CEBPZ: variants seen among roughly 807,000 people sequenced by gnomAD.
CEBPZ encodes CCAAT enhancer binding protein zeta, also known as CCAAT/enhancer-binding protein zeta.
In CEBPZ, 78 loss-of-function variants were observed where a neutral mutation model predicts 104.5. The ratio of observed to expected loss-of-function variants is 0.75; its 90% CI spans 0.62 to 0.90. The LOEUF is 0.90. Among genes scored for constraint, CEBPZ ranks in the 40% least tolerant of loss-of-function variants. CEBPZ has a pLI of 0.00. For synonymous variants in CEBPZ, 470 were observed against 427.0 expected (o/e 1.10, Z -1.24); for missense variants, 1,439 against 1,233.5 (o/e 1.17, Z -2.50).
At position 37,231,489 on chromosome 2, in the gene CEBPZ, C is replaced by T. The variant is rs1558482397; in HGVS notation, c.79G>A (p.Glu27Lys). 1 of 1,614,252 alleles carries T rather than the reference C, an allele frequency of 6.2e-7. No individual in the cohort carries two copies. The highest frequency in any genetic ancestry group is 8.5e-7 in the Non-Finnish European group (1 of 1,180,048). ...RPEEAVEDPD[E>K]EDEDNTSEAE... ...TCACTAGTATTATCCTCATCCTCCT[C>T]GTCCGGATCTTCTACTGCCTCCTCG... is the stretch of plus-strand genomic sequence containing the variant. Residue 27 changes from glutamate to lysine, a missense_variant, in exon 1 of 16, where the codon GAG becomes AAG. Glu to Lys is a moderately conservative substitution (Grantham distance 56, BLOSUM62 1). Transcript: ENST00000234170.
At position 37,229,103 on chromosome 2, in the gene CEBPZ, A is replaced by G. The variant is rs1207730705; in HGVS notation, c.157-67T>C. On this transcript the variant is annotated intron_variant, in intron 1 of 15. Coordinates refer to ENST00000234170, the MANE Select transcript of CEBPZ (RefSeq NM_005760.3). ...AAAATAAAACCATAAAATAATAGGAAACACAACATAATTTTAAAAATAATT... is the reference window on the plus strand; with the variant it reads ...AAAATAAAACCATAAAATAATAGGAGACACAACATAATTTTAAAAATAATT... 6.3e-6 allele frequency: 8 copies of G among 1,269,338 alleles called. No individual in the cohort carries two copies. The East Asian group carries it at 1.9e-4, about 31-fold the overall frequency. 78.6% of individuals were successfully genotyped at this position (1,269,338 alleles called of 1,614,324 possible).
At chr2:37,222,019 C>A (rs1572506252) in intron 4 of CEBPZ, among the ~76,000 whole-genome samples, 2 of 152,240 alleles carry the variant, frequency 1.3e-5, no homozygotes, top group East Asian at 3.8e-4. Flanking sequence ...TACAGTGGCT[C>A]ACGCCTGTAA....
At chr2:37,207,044 A>C (rs1283010822) in intron 13 of CEBPZ, among the ~76,000 whole-genome samples, 1 of 152,212 alleles carries the variant, frequency 6.6e-6, no homozygotes, top group East Asian at 1.9e-4. Context: ...AACAACAGTT[A>C]AAAAAGACAA....
chr2:37,207,744 C>T (rs1228542429), intron 13 of CEBPZ, among the ~76,000 whole-genome samples: 1 of 152,036 alleles, frequency 6.6e-6, no homozygotes, highest in African/African-American at 2.4e-5. Context: ...CCTCAAGGAA[C>T]TAGAGAAACA....
At chr2:37,203,740 G>A (rs1484943248) in intron 13 of CEBPZ, 3 of 152,254 alleles carry the variant, frequency 2.0e-5, no homozygotes, top group Non-Finnish European at 2.9e-5. Context: ...ACCCATCTCC[G>A]ATCTATCTTG....
intron 10 of CEBPZ, 119 bp downstream of exon 10, chr2:37,213,745 G>T: frequency 1.5e-6 from 1 of 661,478 alleles, no homozygotes; most frequent in Non-Finnish European, 2.5e-6. Flanking sequence ...ACTGTGATTT[G>T]CATGATATTC....
intron 10 of CEBPZ, chr2:37,212,685 GT>G: frequency 2.4e-6 from 1 of 418,600 alleles, no homozygotes; most frequent in Non-Finnish European, 4.3e-6. Context: ...AGCAATTGTC[GT>G]CCTTTTTACT....
chr2:37,220,066 C>T (rs1315602486), intron 5 of CEBPZ, among the ~76,000 whole-genome samples: 2 of 152,114 alleles, frequency 1.3e-5, no homozygotes, highest in East Asian at 1.9e-4. Flanking sequence ...TGCCTGTAAT[C>T]CCAGCACTTT....
chr2:37,220,343 A>T, intron 5 of CEBPZ, 42 bp downstream of exon 5: 1 of 768,920 alleles, frequency 1.3e-6, no homozygotes, highest in Non-Finnish European at 2.0e-6. Context: ...ATATATATAT[A>T]TATAGCATAA....
chr2:37,211,663 AAC>A (rs1355377949), intron 12 of CEBPZ, 178 bp downstream of exon 12: 2 of 529,422 alleles, frequency 3.8e-6, no homozygotes, highest in South Asian at 3.3e-5. Flanking sequence ...AAACACACAT[AAC>A]ACACAATAAA....
rs1449189601 is a variant in CEBPZ at position 37,231,405 on chromosome 2, C to T, written c.156+7G>A. Reference sequence around the variant, plus strand: ...TGATCCCGTTCCCCGGAGCCCGCGGCCGTTACCTTGGTGCCTCCGAGCCGT... The same window carrying T: ...TGATCCCGTTCCCCGGAGCCCGCGGTCGTTACCTTGGTGCCTCCGAGCCGT... On this transcript the variant is annotated splice_region_variant and intron_variant, in intron 1 of 15. Transcript: ENST00000234170. The T allele has an allele frequency of 1.2e-6, 2 of 1,613,602 alleles. No individual in the cohort carries two copies. The highest frequency in any genetic ancestry group is 1.7e-5 in the Admixed American group (1 of 60,000).
intron 15 of CEBPZ, chr2:37,202,204 T>G: frequency 4.7e-6 from 1 of 213,984 alleles, no homozygotes; most frequent in Non-Finnish European, 9.0e-6. Flanking sequence ...AACGGCCCAC[T>G]TCCCTAAAAA....
chr2:37,220,381 T>C lies in CEBPZ; in HGVS notation c.2154+4A>G. ...GAATAAAAGACAATTTGAAATTATTTTACCTTTTTGAGTTCCCAAAGACTT... is the reference window on the plus strand; with the variant it reads ...GAATAAAAGACAATTTGAAATTATTCTACCTTTTTGAGTTCCCAAAGACTT... On this transcript the variant is annotated splice_donor_region_variant and intron_variant, in intron 5 of 15. Transcript: ENST00000234170. 6.8e-7 allele frequency: 1 copy of C among 1,467,344 alleles called. No individual in the cohort carries two copies. The highest frequency in any genetic ancestry group is 9.4e-7 in the Non-Finnish European group (1 of 1,066,050). The allele number at this position is 1,467,344 out of a possible 1,614,324, so 90.9% of individuals were successfully genotyped here. A position where few individuals can be genotyped will look rare whatever the true frequency, so the allele number is the denominator to read the frequency against.
rs551362477 is a variant in CEBPZ, at chr2:37,223,885, A to G, written c.1650-484T>C. Among the ~76,000 whole-genome samples the G allele has an allele frequency of 4.5e-4, 69 of 152,312 alleles. No homozygotes were observed. The South Asian group carries it at 0.014, about 31-fold the overall frequency. On this transcript the variant is annotated intron_variant, in intron 2 of 15. Transcript: ENST00000234170. ...GATGAACAGCAGAAAATTAAATTCT[A>G]AGGACTTCAGAGAATCTCTAGTCCA... is the stretch of plus-strand genomic sequence containing the variant.
intron 13 of CEBPZ, among the ~76,000 whole-genome samples, chr2:37,208,656 G>C (rs947676930): frequency 6.6e-6 from 1 of 152,028 alleles, no homozygotes; most frequent in African/African-American, 2.4e-5. Flanking sequence ...AGTAATGAAA[G>C]CCATCTATGA....
chr2:37,228,939 T>A lies in CEBPZ; in HGVS notation c.254A>T (p.Glu85Val). The change falls in exon 2 of 16, where the codon GAA becomes GTA. Residue 85 changes from glutamate (E) to valine (V), a missense_variant. Transcript: ENST00000234170. ...AIDDLQQGEL[E>V]AFIQNLNLAK... ...CAAATTAAGATTTTGAATAAATGCTTCCAATTCACCTTGCTGAAGGTCATC... is the reference window on the plus strand; with the variant it reads ...CAAATTAAGATTTTGAATAAATGCTACCAATTCACCTTGCTGAAGGTCATC... 1 of 1,611,412 alleles carries A rather than the reference T, an allele frequency of 6.2e-7. No individual in the cohort carries two copies. Among genetic ancestry groups the A allele is most frequent in the Non-Finnish European group, 8.5e-7 (1 of 1,179,112 alleles).
At chr2:37,211,422 A>C (rs578178101) in intron 12 of CEBPZ, 104 of 235,922 alleles carry the variant, frequency 4.4e-4, no homozygotes, top group African/African-American at 2.2e-3. Flanking sequence ...GGTATGTGAA[A>C]GGACAGAAAG....
rs1385913783 is a variant in CEBPZ at position 37,231,564 on chromosome 2, C to T, written c.4G>A (p.Ala2Thr). M[A>T]AVKEPLEFHA... ...AACTCCAAAGGCTCCTTGACTGCGG[C>T]CATGGCGGGCAAAGCATACGCGCGT... Residue 2 changes from alanine (A) to threonine (T), a missense_variant, in exon 1 of 16, where the codon GCC (alanine) becomes ACC (threonine). Coordinates refer to ENST00000234170, the MANE Select transcript of CEBPZ (RefSeq NM_005760.3). 6.2e-7 allele frequency: 1 copy of T among 1,614,236 alleles called. No individual in the cohort carries two copies. Among genetic ancestry groups the T allele is most frequent in the Admixed American group, 1.7e-5 (1 of 60,032 alleles).
chr2:37,203,211 G>T, intron 13 of CEBPZ: 1 of 382,190 alleles, frequency 2.6e-6, no homozygotes. Context: ...CATCCTAATA[G>T]AACTGTTCAG....
Sources: gnomAD v4.1 joint callset for allele counts (sites outside exome capture counted in the v4.1 genomes callset) on GRCh38, gnomAD v4.1.1 for gene constraint, MANE v1.5 for transcripts, NCBI Gene and HGNC (gene_info 2026-07-23, HGNC 2026-07-21) for gene names.